FRMD3: variants seen among roughly 807,000 people sequenced by gnomAD.
The protein encoded by FRMD3 is FERM domain-containing protein 3.
FRMD3 carries 33 observed loss-of-function variants against 70.2 expected under a neutral mutation model. The ratio of observed to expected loss-of-function variants is 0.47; its 90% CI spans 0.36 to 0.63. The LOEUF (loss-of-function observed/expected upper bound fraction) is 0.63, where lower values mean the gene tolerates loss of function less well. Among genes scored for constraint, FRMD3 ranks in the 20% least tolerant of loss-of-function variants. The pLI, the probability that FRMD3 is intolerant of heterozygous loss-of-function variation, is 0.00. For synonymous variants in FRMD3, 279 were observed against 255.9 expected, an observed-to-expected ratio of 1.09 and a Z score of -0.86; for missense variants, 632 against 711.4, an observed-to-expected ratio of 0.89 and a Z score of 1.27.
rs1010062731 is a variant in FRMD3 at position 83,245,737 on chromosome 9, C to T, written c.*2181G>A. On this transcript the variant is annotated 3_prime_UTR_variant, in exon 14 of 14. Transcript: ENST00000304195. ...CAGAACTTTAGAGAAAATTATATGACGCATGATCAGAAGGGGACTAATTTT... is the reference window on the plus strand; with the variant it reads ...CAGAACTTTAGAGAAAATTATATGATGCATGATCAGAAGGGGACTAATTTT... The T allele has an allele frequency of 5.5e-5, 54 of 984,100 alleles. No individual in the cohort carries two copies. Among genetic ancestry groups the T allele is most frequent in the Non-Finnish European group, 6.3e-5 (52 of 829,062 alleles). The allele number at this position is 984,100 out of a possible 1,614,324, so 61.0% of individuals were successfully genotyped here.
chr9:83,382,135 A>T (rs891454494), intron 2 of FRMD3, among the ~76,000 whole-genome samples: 3 of 152,198 alleles, frequency 2.0e-5, no homozygotes, highest in Non-Finnish European at 2.9e-5. Context: ...AAATTATGGA[A>T]TTTTTTTCAA....
rs188528104 is a variant in FRMD3, at chr9:83,301,608, T to C, written c.927-2422A>G. On this transcript the variant is annotated intron_variant, in intron 10 of 13. Coordinates refer to ENST00000304195, the MANE Select transcript of FRMD3 (RefSeq NM_174938.6). ...TTGCCCATTCTACAGAAGCGACACG[T>C]GAAGCCGGCAAAGCCGGCGCAGGTG... is the stretch of plus-strand genomic sequence containing the variant. 6.6e-5 allele frequency among the ~76,000 whole-genome samples: 10 copies of C among 152,246 alleles called. No individual in the cohort carries two copies. The East Asian group carries it at 1.5e-3, about 24-fold the overall frequency.
In FRMD3 at chr9:83,254,563, A is replaced by T. The variant is rs906705602; in HGVS notation, c.1196-6047T>A. ...GAGAAGTGAAGGAGATAGAGGCATA[A>T]AAAAAAAAATTCAAAAAGTCAATGA... On this transcript the variant is annotated intron_variant, in intron 13 of 13. Coordinates refer to ENST00000304195, the MANE Select transcript of FRMD3 (RefSeq NM_174938.6). Among the ~76,000 whole-genome samples the T allele has an allele frequency of 2.4e-3, 367 of 150,136 alleles. 2 individuals carry two copies. Among genetic ancestry groups the T allele is most frequent in the African/African-American group, 8.3e-3 (340 of 41,024 alleles).
At chr9:83,508,821 A>C (rs1051678790) in intron 1 of FRMD3, among the ~76,000 whole-genome samples, 1 of 152,182 alleles carries the variant, frequency 6.6e-6, no homozygotes, top group Admixed American at 6.5e-5. Flanking sequence ...TCCTTTGTGC[A>C]CTGTCTACAG....
intron 6 of FRMD3, chr9:83,332,094 C>A (rs575687514): frequency 3.6e-6 from 2 of 562,210 alleles, no homozygotes; most frequent in Admixed American, 3.3e-5. Flanking sequence ...CAAGAAGAAG[C>A]CTTTCTTGCT....
chr9:83,312,819 C>T (rs1835416049), intron 7 of FRMD3, among the ~76,000 whole-genome samples: 1 of 144,506 alleles, frequency 6.9e-6, no homozygotes, highest in Admixed American at 7.1e-5. Flanking sequence ...GGGATGTGTT[C>T]TGGTCAGCAG....
In FRMD3 at chr9:83,390,750, C is replaced by T. The variant is rs571057952; in HGVS notation, c.148-1042G>A. 2.0e-5 allele frequency among the ~76,000 whole-genome samples: 3 copies of T among 152,266 alleles called. No homozygotes were observed. The South Asian group carries it at 6.2e-4, about 32-fold the overall frequency. ...GATTAATTTCTGCTTCAATCAAAGTCGCTGACAGACCCATGAAATGTTTTA... is the reference window on the plus strand; with the variant it reads ...GATTAATTTCTGCTTCAATCAAAGTTGCTGACAGACCCATGAAATGTTTTA... On this transcript the variant is annotated intron_variant, in intron 1 of 13. Transcript: ENST00000304195.
At chr9:83,340,131 A>G (rs1178251728) in intron 5 of FRMD3, among the ~76,000 whole-genome samples, 1 of 152,108 alleles carries the variant, frequency 6.6e-6, no homozygotes, top group East Asian at 1.9e-4. Context: ...GCTTGAGGTC[A>G]GAGTTTGAGA....
intron 2 of FRMD3, among the ~76,000 whole-genome samples, chr9:83,384,918 C>T (rs1207270715): frequency 2.6e-5 from 4 of 152,152 alleles, no homozygotes; most frequent in Non-Finnish European, 5.9e-5. Flanking sequence ...TCCTACAACC[C>T]AGTCCTAGTG....
intron 3 of FRMD3, among the ~76,000 whole-genome samples, chr9:83,370,645 C>T (rs1292227418): frequency 6.6e-6 from 1 of 152,200 alleles, no homozygotes; most frequent in Non-Finnish European, 1.5e-5. Flanking sequence ...GGTGCAGTGG[C>T]TCACTCCTGA....
the FRMD3 span, among the ~76,000 whole-genome samples, chr9:83,544,395 C>T: frequency 2.0e-5 from 3 of 152,148 alleles, no homozygotes; most frequent in African/African-American, 7.2e-5. Context: ...AAGAACAAGC[C>T]TGGCAGTCCA....
At chr9:83,357,267 AT>A (rs1432606066) in intron 3 of FRMD3, among the ~76,000 whole-genome samples, 1 of 63,898 alleles carries the variant, frequency 1.6e-5, no homozygotes, top group African/African-American at 9.2e-5. Context: ...ATATATATAT[AT>A]ATATATATAT....
At chr9:83,416,262 G>T (rs1216548293) in intron 1 of FRMD3, among the ~76,000 whole-genome samples, 2 of 152,174 alleles carry the variant, frequency 1.3e-5, no homozygotes, top group African/African-American at 4.8e-5. Context: ...TTCTTAAAAG[G>T]TTTTAAAAGT....
At chr9:83,336,198 C>T (rs1167743845) in intron 5 of FRMD3, among the ~76,000 whole-genome samples, 1 of 151,928 alleles carries the variant, frequency 6.6e-6, no homozygotes. Context: ...TTGTTCTCAC[C>T]ACCAAAACAA....
chr9:83,329,172 T>C (rs1238943580), intron 6 of FRMD3, among the ~76,000 whole-genome samples: 1 of 152,208 alleles, frequency 6.6e-6, no homozygotes, highest in African/African-American at 2.4e-5. Flanking sequence ...GACTTCATTT[T>C]TACAGTGAAC....
At chr9:83,398,615 C>CATGTG in intron 1 of FRMD3, among the ~76,000 whole-genome samples, 2 of 151,980 alleles carry the variant, frequency 1.3e-5, no homozygotes, top group Non-Finnish European at 2.9e-5. Flanking sequence ...ACATAACAAA[C>CATGTG]CTGCACGTTG....
At chr9:83,434,638 G>C (rs1366016900) in intron 1 of FRMD3, among the ~76,000 whole-genome samples, 1 of 152,090 alleles carries the variant, frequency 6.6e-6, no homozygotes, top group Non-Finnish European at 1.5e-5. Flanking sequence ...CACAGCCCAT[G>C]CTTATCAACA....
At chr9:83,569,143 C>T in the FRMD3 span, among the ~76,000 whole-genome samples, 16 of 152,088 alleles carry the variant, frequency 1.1e-4, no homozygotes, top group East Asian at 2.1e-3. Context: ...AATATGGGCA[C>T]GAAGGATATT....
At chr9:83,265,942 C>T (rs1014594616) in intron 13 of FRMD3, among the ~76,000 whole-genome samples, 3 of 152,208 alleles carry the variant, frequency 2.0e-5, no homozygotes, top group South Asian at 2.1e-4. Flanking sequence ...AGCCAAAAAA[C>T]GAGCCATAAC....
Sources: gnomAD v4.1 joint callset for allele counts (sites outside exome capture counted in the v4.1 genomes callset) on GRCh38, gnomAD v4.1.1 for gene constraint, MANE v1.5 for transcripts, NCBI Gene and HGNC (gene_info 2026-07-23, HGNC 2026-07-21) for gene names.